Variants in INAVA observed in about 807,000 individuals in gnomAD.
The protein encoded by INAVA is innate immunity activator, also known as innate immunity activator protein.
In INAVA, 32 loss-of-function variants were observed where a neutral mutation model predicts 55.3. That is an observed-to-expected ratio of 0.58 (90% CI 0.44 to 0.78). The LOEUF is 0.78. INAVA is among the 30% of genes least tolerant of loss of function. The probability of loss-of-function intolerance (pLI) is 0.00; values close to 1 mark genes in which losing one functional copy is unlikely to be tolerated. For missense variants in INAVA, 756 were observed against 786.4 expected, an observed-to-expected ratio of 0.96 and a Z score of 0.46; for synonymous variants, 294 against 329.4, an observed-to-expected ratio of 0.89 and a Z score of 1.16.
chr1:200,899,831 G>A (rs1452564311), intron 3 of INAVA, among the ~76,000 whole-genome samples: 1 of 152,254 alleles, frequency 6.6e-6, no homozygotes, highest in Non-Finnish European at 1.5e-5. Context: ...ATCAGGGGCT[G>A]CAGAGGGACT....
At chr1:200,909,101 G>T in intron 7 of INAVA, 123 bp from the exon 8 acceptor site, 2 of 1,315,030 alleles carry the variant, frequency 1.5e-6, no homozygotes, top group Non-Finnish European at 2.1e-6. Flanking sequence ...GTTCCCCAAG[G>T]GTGCTGGCAG....
In INAVA at chr1:200,909,250, G is replaced by A. The variant is rs1653618237; in HGVS notation, c.812G>A (p.Gly271Glu). The A allele has an allele frequency of 1.3e-6, 2 of 1,589,234 alleles. No individual in the cohort carries two copies. The highest frequency in any genetic ancestry group is 1.7e-6 in the Non-Finnish European group (2 of 1,165,264). The change falls in exon 8 of 10, where the codon GGG (glycine) becomes GAG (glutamate). Residue 271 changes from glycine to glutamate, a missense_variant. By Grantham distance (98) the Gly-to-Glu change is moderately conservative. This residue lies in a region of INAVA where 639 missense variants were observed against 624.3 expected (regional missense o/e 1.02). Transcript: ENST00000413687. ...AGCCCAGCCACCACACCACAGGATG[G>A]GCCCAGTGCCTCCAGCCTGTGGCTT... is the stretch of plus-strand genomic sequence containing the variant. ...SSSPATTPQD[G>E]PSASSLWLLE...
At chr1:200,891,910 C>A (rs942467234), upstream of INAVA, among the ~76,000 whole-genome samples, 2 of 152,134 alleles carry the variant, frequency 1.3e-5, no homozygotes, top group African/African-American at 4.8e-5. Flanking sequence ...GCCTGTGGAT[C>A]TTCCTGGCCA....
In INAVA at chr1:200,911,637, C is replaced by T. The variant is rs1653732398; in HGVS notation, c.1144C>T (p.Pro382Ser). 5.0e-6 allele frequency: 8 copies of T among 1,613,918 alleles called. 1 individual carries two copies. The Admixed American group carries it at 1.2e-4, about 24-fold the overall frequency. Residue 382 changes from proline (P) to serine (S), a missense_variant, in exon 9 of 10, where the codon CCC becomes TCC. Pro to Ser is a moderately conservative substitution (Grantham distance 74). Transcript: ENST00000413687. ...SGSDVSSISH[P>S]TSPGSSSPDI... The stretch of plus-strand genomic sequence containing the variant: ...CTCTGACGTCTCCAGCATCTCCCAC[C>T]CCACTTCGCCGGGCAGCAGCAGCCC...
At chr1:200,894,727 G>A, upstream of INAVA, 1 of 915,110 alleles carries the variant, frequency 1.1e-6, no homozygotes, top group Non-Finnish European at 1.3e-6. Flanking sequence ...CTTCTTTGGG[G>A]ATTCCTCCAT....
chr1:200,892,683 T>A (rs1294865026), upstream of INAVA, among the ~76,000 whole-genome samples: 3 of 152,138 alleles, frequency 2.0e-5, no homozygotes, highest in African/African-American at 7.2e-5. Flanking sequence ...GGGGAGCTGT[T>A]TCAGATTCCC....
chr1:200,894,707 T>C (rs751374204), upstream of INAVA: 17 of 794,196 alleles, frequency 2.1e-5, no homozygotes, highest in South Asian at 6.9e-4. Context: ...GACATGACTC[T>C]TGTTGTTGTC....
upstream of INAVA, among the ~76,000 whole-genome samples, chr1:200,893,099 T>C (rs1668267764): frequency 6.6e-6 from 1 of 152,186 alleles, no homozygotes; most frequent in African/African-American, 2.4e-5. Context: ...ACATCACCTT[T>C]AGTTATGAAG....
intron 2 of INAVA, among the ~76,000 whole-genome samples, chr1:200,899,223 T>A (rs1370626476): frequency 6.6e-6 from 1 of 151,888 alleles, no homozygotes; most frequent in East Asian, 1.9e-4. Context: ...TCCCCTGCAC[T>A]CCCCCACCAT....
At chr1:200,907,700 C>A in intron 5 of INAVA, 134 bp from the exon 6 acceptor site, 1 of 607,598 alleles carries the variant, frequency 1.6e-6, no homozygotes. Flanking sequence ...ATTTAGCACA[C>A]AGAGGGTATT....
At chr1:200,896,736 C>T (rs1300043217) in intron 1 of INAVA, among the ~76,000 whole-genome samples, 1 of 152,210 alleles carries the variant, frequency 6.6e-6, no homozygotes, top group Non-Finnish European at 1.5e-5. Flanking sequence ...AGAGGTATCA[C>T]CAGGGACCTG....
chr1:200,911,638 C>T lies in INAVA; in HGVS notation c.1145C>T (p.Pro382Leu), dbSNP rs1653732518. The change falls in exon 9 of 10, where the codon CCC (proline) becomes CTC (leucine). Residue 382 changes from proline (P) to leucine (L), a missense_variant. By Grantham distance (98) the Pro-to-Leu change is moderately conservative. This residue lies in a region of INAVA where 639 missense variants were observed against 624.3 expected (regional missense o/e 1.02). Transcript: ENST00000413687. ...TCTGACGTCTCCAGCATCTCCCACC[C>T]CACTTCGCCGGGCAGCAGCAGCCCC... ...SGSDVSSISH[P>L]TSPGSSSPDI... 6.2e-7 allele frequency: 1 copy of T among 1,614,042 alleles called. No individual in the cohort carries two copies. The highest frequency in any genetic ancestry group is 1.7e-5 in the Admixed American group (1 of 60,028).
chr1:200,896,885 G>A (rs564224561), intron 1 of INAVA, among the ~76,000 whole-genome samples: 1 of 152,372 alleles, frequency 6.6e-6, no homozygotes, highest in African/African-American at 2.4e-5. Context: ...TGAGGAGGCA[G>A]GATAGGCTCC....
At chr1:200,893,955 G>A (rs78558361), upstream of INAVA, among the ~76,000 whole-genome samples, 2 of 152,096 alleles carry the variant, frequency 1.3e-5, no homozygotes, top group South Asian at 4.2e-4. Flanking sequence ...ATCAGAGAGT[G>A]GGGGGAAAGG....
Position 200,900,210 on chromosome 1 carries a change from T to C in INAVA, c.287T>C (p.Leu96Ser). The change falls in exon 4 of 10, where the codon TTG becomes TCG. Residue 96 changes from leucine (L) to serine (S), a missense_variant. This residue lies in a region of INAVA where 639 missense variants were observed against 624.3 expected (regional missense o/e 1.02). Coordinates refer to ENST00000413687, the MANE Select transcript of INAVA (RefSeq NM_001142569.3). The part of the protein sequence containing the change: ...GAAYKLDDWA[L>S]HREDPLSSLE... ...GCTTACAAACTGGATGACTGGGCCTTGCACAGAGAGGTGAGGAACCTCAGG... is the reference window on the plus strand; with the variant it reads ...GCTTACAAACTGGATGACTGGGCCTCGCACAGAGAGGTGAGGAACCTCAGG... The C allele has an allele frequency of 1.2e-6, 2 of 1,613,956 alleles. No individual in the cohort carries two copies. The highest frequency in any genetic ancestry group is 2.2e-5 in the South Asian group (2 of 91,078).
At position 200,911,590 on chromosome 1, in the gene INAVA, A is replaced by T; in HGVS notation, c.1097A>T (p.His366Leu). The T allele has an allele frequency of 6.2e-7, 1 of 1,613,050 alleles. No individual in the cohort carries two copies. Among genetic ancestry groups the T allele is most frequent in the South Asian group, 1.1e-5 (1 of 91,016 alleles). ...CCCCCGCTGCCCCACGCCGCCTGCC[A>T]CTCCTGCTCAGAAGACAGTGGCTCT... The part of the protein sequence containing the change: ...TKPPLPHAAC[H>L]SCSEDSGSDV... The change falls in exon 9 of 10, where the codon CAC (histidine) becomes CTC (leucine). Residue 366 changes from histidine to leucine, a missense_variant. By Grantham distance (99) the His-to-Leu change is moderately conservative (BLOSUM62 -3). Coordinates refer to ENST00000413687, the MANE Select transcript of INAVA (RefSeq NM_001142569.3).
At chr1:200,896,481 G>A (rs1378586135) in intron 1 of INAVA, among the ~76,000 whole-genome samples, 1 of 152,068 alleles carries the variant, frequency 6.6e-6, no homozygotes, top group Admixed American at 6.5e-5. Flanking sequence ...TGCGGGGTGG[G>A]GTTCCAGAAT....
Position 200,911,850 on chromosome 1 carries a change from C to T in INAVA, c.1357C>T (p.Arg453Cys), listed in dbSNP as rs296520. 1,156,028 of 1,564,990 alleles carry T rather than the reference C, an allele frequency of 0.74. 433,656 individuals carry two copies. Among genetic ancestry groups the T allele is most frequent in the East Asian group, 0.99 (43,592 of 44,172 alleles). ...SPLPPGEWELRRAAPGPAYEE... is the reference protein window; with the variant it reads ...SPLPPGEWELCRAAPGPAYEE... Reference sequence around the variant, plus strand: ...CCTGCCGCCTGGCGAGTGGGAGCTGCGCCGCGCAGCCCCGGGCCCTGCTTA... The same window carrying T: ...CCTGCCGCCTGGCGAGTGGGAGCTGTGCCGCGCAGCCCCGGGCCCTGCTTA... The change falls in exon 9 of 10, where the codon CGC (arginine) becomes TGC (cysteine). Residue 453 changes from arginine (R) to cysteine (C), a missense_variant. This residue lies in a region of INAVA where 639 missense variants were observed against 624.3 expected (regional missense o/e 1.02). Coordinates refer to ENST00000413687, the MANE Select transcript of INAVA (RefSeq NM_001142569.3).
chr1:200,908,987 G>A (rs752369485), intron 7 of INAVA, 47 bp downstream of exon 7: 15 of 1,569,332 alleles, frequency 9.6e-6, no homozygotes, highest in Admixed American at 1.9e-5. Flanking sequence ...GCAGGGAGTC[G>A]GTGGGAGCTA....
Sources: allele counts gnomAD v4.1 joint callset (sites outside exome capture counted in the v4.1 genomes callset), GRCh38; gene constraint gnomAD v4.1.1; regional missense constraint gnomAD v4.1.1; transcripts MANE v1.5; gene names NCBI Gene and HGNC (gene_info 2026-07-23, HGNC 2026-07-21).